The following IL1RAPL2 variants were observed in gnomAD, a reference collection of about 807,000 sequenced individuals.
IL1RAPL2 encodes the protein interleukin 1 receptor accessory protein like 2, also known as X-linked interleukin-1 receptor accessory protein-like 2.
In IL1RAPL2, 3 loss-of-function variants were observed where a neutral mutation model predicts 44.1. That is an observed-to-expected ratio of 0.07 (90% confidence interval 0.03 to 0.18). The LOEUF (loss-of-function observed/expected upper bound fraction) is 0.18. Among genes scored for constraint, IL1RAPL2 ranks in the 10% least tolerant of loss-of-function variants. IL1RAPL2 has a pLI of 1.00. For synonymous variants in IL1RAPL2, 181 were observed against 178.8 expected (o/e 1.01, Z -0.10); for missense variants, 391 against 496.4 (o/e 0.79, Z 2.02).
intron 6 of IL1RAPL2, among the ~76,000 whole-genome samples, chrX:105,685,889 G>A (rs2037968348): frequency 1.8e-5 from 2 of 111,524 alleles, no homozygotes; most frequent in South Asian, 7.5e-4. Context: ...GAGAGTGGGG[G>A]CCAATATTCA....
Position 105,287,155 on chromosome X carries a change from T to A in IL1RAPL2, c.697+19614T>A, listed in dbSNP as rs180721906. Among the ~76,000 whole-genome samples the A allele has an allele frequency of 3.6e-5, 4 of 111,539 alleles. No individual in the cohort carries two copies. The East Asian group carries it at 1.1e-3, about 32-fold the overall frequency. ...GAAATGCATGGACTAAAATAACATG[T>A]GTTAGGGGAATTTGACCTAATCAGT... On this transcript the variant is annotated intron_variant, in intron 5 of 10. Coordinates refer to ENST00000372582, the MANE Select transcript of IL1RAPL2 (RefSeq NM_017416.2).
At chrX:104,944,544 A>G (rs1336489039) in intron 2 of IL1RAPL2, among the ~76,000 whole-genome samples, 1 of 111,662 alleles carries the variant, frequency 9.0e-6, no homozygotes, top group African/African-American at 3.3e-5. Flanking sequence ...TGACTCTTCT[A>G]TTTAAATTGT....
intron 2 of IL1RAPL2, among the ~76,000 whole-genome samples, chrX:105,090,951 C>A (rs766970776): frequency 8.9e-6 from 1 of 111,793 alleles, no homozygotes; most frequent in Non-Finnish European, 1.9e-5. Context: ...CAGGATCCAG[C>A]TGGCCCTAGA....
rs186139749 is a variant in IL1RAPL2, at chrX:105,529,867, A to G, written c.772+45480A>G. On this transcript the variant is annotated intron_variant, in intron 6 of 10. Coordinates refer to ENST00000372582, the MANE Select transcript of IL1RAPL2 (RefSeq NM_017416.2). ...TAGGATGTCTTCAAGGTTCATCCAC[A>G]TTGCAGCATGTGTGAGAATTTCCTT... 4.5e-5 allele frequency among the ~76,000 whole-genome samples: 5 copies of G among 112,235 alleles called. No individual in the cohort carries two copies. The Admixed American group carries it at 4.7e-4, about 11-fold the overall frequency.
intron 3 of IL1RAPL2, among the ~76,000 whole-genome samples, chrX:105,217,683 A>G (rs1439644498): frequency 8.9e-6 from 1 of 112,282 alleles, no homozygotes; most frequent in Non-Finnish European, 1.9e-5. Context: ...CACAATAGCA[A>G]AGACTTGGAA....
intron 2 of IL1RAPL2, among the ~76,000 whole-genome samples, chrX:104,816,831 G>A (rs1399123329): frequency 8.9e-6 from 1 of 112,065 alleles, no homozygotes; most frequent in Non-Finnish European, 1.9e-5. Flanking sequence ...GTGTAGTATT[G>A]CCTATCTTAG....
chrX:104,847,252 T>A (rs1266530847), intron 2 of IL1RAPL2, among the ~76,000 whole-genome samples: 4 of 112,140 alleles, frequency 3.6e-5, no homozygotes, highest in Non-Finnish European at 7.5e-5. Context: ...GGTGTTTTAA[T>A]CATGAAGTCC....
intron 2 of IL1RAPL2, among the ~76,000 whole-genome samples, chrX:104,670,917 G>A (rs1930585866): frequency 9.0e-6 from 1 of 110,853 alleles, no homozygotes; most frequent in African/African-American, 3.3e-5. Context: ...ATGAACATTT[G>A]TAGATCAACT....
chrX:105,382,911 T>C (rs2035446372), intron 5 of IL1RAPL2, among the ~76,000 whole-genome samples: 1 of 92,934 alleles, frequency 1.1e-5, no homozygotes, highest in Non-Finnish European at 2.1e-5. Context: ...TAGGTGGGAA[T>C]TGAACAATGA....
intron 3 of IL1RAPL2, among the ~76,000 whole-genome samples, chrX:105,223,190 A>T (rs1289672414): frequency 3.6e-5 from 4 of 110,497 alleles, no homozygotes; most frequent in Non-Finnish European, 5.7e-5. Context: ...CCTGGTGGAG[A>T]TACTTAGTAG....
intron 1 of IL1RAPL2, among the ~76,000 whole-genome samples, chrX:104,606,746 G>A (rs1194165401): frequency 1.8e-5 from 2 of 111,387 alleles, no homozygotes; most frequent in Non-Finnish European, 3.8e-5. Context: ...TACAAGGGAT[G>A]TGAAGGACCT....
chrX:105,409,765 A>G (rs1487909976), intron 5 of IL1RAPL2, among the ~76,000 whole-genome samples: 3 of 109,975 alleles, frequency 2.7e-5, no homozygotes, highest in African/African-American at 1.0e-4. Context: ...ATGGTAGGAA[A>G]TGAGGTCAGA....
chrX:105,456,039 T>A (rs2036052850), intron 5 of IL1RAPL2, among the ~76,000 whole-genome samples: 1 of 111,927 alleles, frequency 8.9e-6, no homozygotes, highest in Non-Finnish European at 1.9e-5. Context: ...ATTTTACTTC[T>A]CTGGTTAGCT....
chrX:105,709,679 A>AT (rs1259657522), intron 6 of IL1RAPL2, among the ~76,000 whole-genome samples: 1 of 111,775 alleles, frequency 8.9e-6, no homozygotes, highest in Non-Finnish European at 1.9e-5. Flanking sequence ...TACTCTTTAC[A>AT]TGAAATGTCT....
intron 2 of IL1RAPL2, among the ~76,000 whole-genome samples, chrX:104,937,370 G>A (rs1342847346): frequency 1.8e-5 from 2 of 112,205 alleles, no homozygotes; most frequent in African/African-American, 6.5e-5. Context: ...CAGGAAGCTA[G>A]ATATCTTCCA....
chrX:104,583,210 A>G (rs1928446298), intron 1 of IL1RAPL2, among the ~76,000 whole-genome samples: 1 of 111,090 alleles, frequency 9.0e-6, no homozygotes, highest in Admixed American at 9.7e-5. Flanking sequence ...TCAGATAGAC[A>G]TGCATATACA....
chrX:104,711,365 A>G (rs978693672), intron 2 of IL1RAPL2, among the ~76,000 whole-genome samples: 1 of 111,055 alleles, frequency 9.0e-6, no homozygotes, highest in Non-Finnish European at 1.9e-5. Context: ...CTTTGTGTGC[A>G]TGTGTACAGG....
At chrX:105,141,102 TA>T (rs2033122492) in intron 2 of IL1RAPL2, among the ~76,000 whole-genome samples, 1 of 111,918 alleles carries the variant, frequency 8.9e-6, no homozygotes, top group African/African-American at 3.2e-5. Flanking sequence ...ATGTTTTCGT[TA>T]AAAGAAGCTT....
intron 2 of IL1RAPL2, among the ~76,000 whole-genome samples, chrX:104,662,702 A>G (rs2148025194): frequency 8.9e-6 from 1 of 111,774 alleles, no homozygotes; most frequent in South Asian, 3.7e-4. Context: ...ACGTCCTCAG[A>G]ATATACATGA....
Sources: allele counts gnomAD v4.1 joint callset (sites outside exome capture counted in the v4.1 genomes callset), GRCh38; gene constraint gnomAD v4.1.1; transcripts MANE v1.5; gene names NCBI Gene and HGNC (gene_info 2026-07-23, HGNC 2026-07-21).